The following CNTN5 variants were observed in gnomAD, a reference collection of about 807,000 sequenced individuals.
The protein encoded by CNTN5 is contactin 5, also known as contactin-5.
CNTN5 carries 77 observed loss-of-function variants against 129.1 expected under a neutral mutation model. That is an observed-to-expected ratio of 0.60 (90% CI 0.50 to 0.72). The LOEUF (loss-of-function observed/expected upper bound fraction) is 0.72. CNTN5 is among the 30% of genes least tolerant of loss of function. The pLI is 0.00. For missense variants in CNTN5, 1,478 were observed against 1,328.8 expected (o/e 1.11, Z -1.75); for synonymous variants, 509 against 465.6 (o/e 1.09, Z -1.20).
chr11:99,250,571 C>A (rs943075121), intron 1 of CNTN5, among the ~76,000 whole-genome samples: 2 of 151,880 alleles, frequency 1.3e-5, no homozygotes, highest in Admixed American at 1.3e-4. Flanking sequence ...ATTTTAAATT[C>A]ATGCTGAATT....
intron 3 of CNTN5, among the ~76,000 whole-genome samples, chr11:99,811,178 C>T (rs1329496860): frequency 2.6e-5 from 4 of 151,900 alleles, no homozygotes; most frequent in Admixed American, 6.6e-5. Context: ...AGAAAAGATT[C>T]AGATACAGAG....
chr11:99,927,337 C>A (rs527779427), intron 7 of CNTN5, among the ~76,000 whole-genome samples: 3 of 152,272 alleles, frequency 2.0e-5, no homozygotes, highest in African/African-American at 4.8e-5. Context: ...AGATCCAGGT[C>A]TGTGAATTCA....
intron 1 of CNTN5, among the ~76,000 whole-genome samples, chr11:99,073,373 G>GT (rs1491116506): frequency 4.6e-5 from 4 of 87,332 alleles, no homozygotes; most frequent in African/African-American, 8.2e-5. Context: ...TTTATGGTTT[G>GT]GTTTTTTTTT....
intron 1 of CNTN5, among the ~76,000 whole-genome samples, chr11:99,074,676 T>C (rs2135260957): frequency 6.6e-6 from 1 of 152,276 alleles, no homozygotes; most frequent in African/African-American, 2.4e-5. Flanking sequence ...CACTTATAAA[T>C]ATCTGTTTAC....
intron 7 of CNTN5, among the ~76,000 whole-genome samples, chr11:99,918,668 A>G (rs11221900): frequency 0.069 from 10,521 of 152,204 alleles, 623 homozygotes; most frequent in East Asian, 0.27. Context: ...ATAGTACAGT[A>G]TATGGTACAG....
At chr11:100,174,013 C>A (rs115426675) in intron 13 of CNTN5, among the ~76,000 whole-genome samples, 1 of 152,054 alleles carries the variant, frequency 6.6e-6, no homozygotes, top group Non-Finnish European at 1.5e-5. Context: ...AAGAGAAGAG[C>A]AATAAATCAG....
chr11:99,582,616 A>G lies in CNTN5; in HGVS notation c.55+26347A>G, dbSNP rs11220540. Among the ~76,000 whole-genome samples the G allele has an allele frequency of 3.8e-3, 573 of 152,124 alleles. 3 individuals carry two copies. The highest frequency in any genetic ancestry group is 0.013 in the African/African-American group (525 of 41,474). On this transcript the variant is annotated intron_variant, in intron 3 of 24. Coordinates refer to ENST00000524871, the MANE Select transcript of CNTN5 (RefSeq NM_014361.4). ...GATACCCTTTCTTCCAGTTGATCTC[A>G]TCGGTTACTGAGGCTTGTGCATTCA...
intron 3 of CNTN5, among the ~76,000 whole-genome samples, chr11:99,682,267 T>G (rs1038803207): frequency 5.9e-5 from 9 of 151,906 alleles, no homozygotes; most frequent in African/African-American, 2.2e-4. Context: ...TTTTATACAT[T>G]CTGGCAAAAT....
chr11:99,475,254 G>A (rs1172845089), intron 2 of CNTN5, among the ~76,000 whole-genome samples: 1 of 152,196 alleles, frequency 6.6e-6, no homozygotes, highest in East Asian at 1.9e-4. Flanking sequence ...TCGTCTCCAT[G>A]TCTCATGGCT....
intron 1 of CNTN5, among the ~76,000 whole-genome samples, chr11:99,283,183 A>G (rs573350487): frequency 6.6e-6 from 1 of 152,238 alleles, no homozygotes; most frequent in African/African-American, 2.4e-5. Context: ...TCTGGGAAGA[A>G]TGACTCTTAC....
chr11:100,102,926 A>G (rs1335900246), intron 13 of CNTN5, among the ~76,000 whole-genome samples: 1 of 152,132 alleles, frequency 6.6e-6, no homozygotes, highest in African/African-American at 2.4e-5. Flanking sequence ...GGAATCTTTA[A>G]GGGTCATCTT....
At chr11:99,687,742 T>A (rs973290490) in intron 3 of CNTN5, among the ~76,000 whole-genome samples, 1 of 152,192 alleles carries the variant, frequency 6.6e-6, no homozygotes, top group African/African-American at 2.4e-5. Flanking sequence ...TATGTACCTG[T>A]ACATTTCTCC....
chr11:99,203,034 G>A (rs1164818729), intron 1 of CNTN5, among the ~76,000 whole-genome samples: 2 of 151,966 alleles, frequency 1.3e-5, no homozygotes, highest in Admixed American at 6.6e-5. Context: ...AGGCAGAGAG[G>A]GAGGGAGGAA....
chr11:99,181,046 A>G (rs1361632060), intron 1 of CNTN5, among the ~76,000 whole-genome samples: 1 of 152,154 alleles, frequency 6.6e-6, no homozygotes, highest in African/African-American at 2.4e-5. Flanking sequence ...CAATATTTTA[A>G]TTTGTTGCTG....
chr11:99,136,848 A>G (rs536774725), intron 1 of CNTN5, among the ~76,000 whole-genome samples: 1 of 152,290 alleles, frequency 6.6e-6, no homozygotes, highest in Non-Finnish European at 1.5e-5. Flanking sequence ...AGACACCAAG[A>G]TCATGTAACA....
intron 8 of CNTN5, among the ~76,000 whole-genome samples, chr11:99,989,103 GTTAGAGTGA>G (rs1938884758): frequency 6.6e-6 from 1 of 152,148 alleles, no homozygotes; most frequent in Non-Finnish European, 1.5e-5. Context: ...AGACTTAAAT[GTTAGAGTGA>G]ACTGTATAGA....
intron 3 of CNTN5, among the ~76,000 whole-genome samples, chr11:99,577,825 T>TATC (rs1949410161): frequency 7.6e-6 from 1 of 132,348 alleles, no homozygotes; most frequent in Non-Finnish European, 1.7e-5. Context: ...GATTTTCTTT[T>TATC]ATTATTATTA....
intron 1 of CNTN5, among the ~76,000 whole-genome samples, chr11:99,245,160 C>A (rs557401152): frequency 2.6e-5 from 4 of 152,210 alleles, no homozygotes; most frequent in Admixed American, 2.0e-4. Flanking sequence ...ATTCAAAGTG[C>A]TTAGGTATAT....
rs546521711 is a variant in CNTN5, at chr11:99,196,880, T to C, written c.-209-128466T>C. On this transcript the variant is annotated intron_variant, in intron 1 of 24. Transcript: ENST00000524871. ...GTATGTCCTTGGAATATAGTATGGA[T>C]GGAGGGAGTGAATAAAATATTAATA... 1.8e-4 allele frequency among the ~76,000 whole-genome samples: 27 copies of C among 151,864 alleles called. No individual in the cohort carries two copies. The East Asian group carries it at 5.2e-3, about 29-fold the overall frequency.
Sources: gnomAD v4.1 joint callset for allele counts (sites outside exome capture counted in the v4.1 genomes callset) on GRCh38, gnomAD v4.1.1 for gene constraint, MANE v1.5 for transcripts, NCBI Gene and HGNC (gene_info 2026-07-23, HGNC 2026-07-21) for gene names.